Variants in COMMD10 observed in about 807,000 individuals in gnomAD.
COMMD10 encodes the protein COMM domain containing 10, also known as COMM domain-containing protein 10.
A neutral mutation model predicts 28.9 loss-of-function variants in COMMD10; 33 were observed. The ratio of observed to expected loss-of-function variants is 1.14; its 90% CI spans 0.87 to 1.53. The LOEUF is 1.53. Ranked by LOEUF, COMMD10 falls within the 40% of genes most tolerant of loss-of-function variation. The pLI is 0.00. For synonymous variants in COMMD10, 110 were observed against 81.7 expected, an observed-to-expected ratio of 1.35 and a Z score of -1.87; for missense variants, 310 against 233.4, an observed-to-expected ratio of 1.33 and a Z score of -2.14.
chr5:116,239,156 C>A (rs1047464977), intron 5 of COMMD10, among the ~76,000 whole-genome samples: 3 of 152,132 alleles, frequency 2.0e-5, no homozygotes, highest in Non-Finnish European at 4.4e-5. Context: ...TGGCTTTTAA[C>A]AAAATTCCTA....
intron 5 of COMMD10, among the ~76,000 whole-genome samples, chr5:116,272,119 G>T (rs891795979): frequency 2.0e-5 from 3 of 151,768 alleles, no homozygotes; most frequent in Non-Finnish European, 4.4e-5. Flanking sequence ...CTCCATTAAG[G>T]TCGAGACACT....
At chr5:116,224,450 G>A (rs190057321) in intron 5 of COMMD10, among the ~76,000 whole-genome samples, 275 of 152,288 alleles carry the variant, frequency 1.8e-3, no homozygotes, top group Non-Finnish European at 3.1e-3. Flanking sequence ...GACTGTACAG[G>A]AAGTGTAGTG....
intron 5 of COMMD10, among the ~76,000 whole-genome samples, chr5:116,272,529 C>T (rs867474373): frequency 2.3e-4 from 35 of 151,892 alleles, no homozygotes; most frequent in Middle Eastern, 6.8e-3. Flanking sequence ...ACTTGAACAT[C>T]CCAGAACACT....
intron 5 of COMMD10, among the ~76,000 whole-genome samples, chr5:116,275,816 G>C (rs1023735649): frequency 6.6e-6 from 1 of 151,498 alleles, no homozygotes; most frequent in African/African-American, 2.4e-5. Context: ...GGCATAAACT[G>C]CTAATGGCCA....
intron 5 of COMMD10, among the ~76,000 whole-genome samples, chr5:116,165,918 T>A (rs978111110): frequency 1.3e-5 from 2 of 152,144 alleles, no homozygotes; most frequent in Non-Finnish European, 2.9e-5. Context: ...AATACTTGAT[T>A]ACCCTTTATC....
Position 116,170,369 on chromosome 5 carries a change from A to G in COMMD10, c.510+36191A>G, listed in dbSNP as rs184067254. ...AACAAATGAAAAACATTCTATGCTCATGCATAGGAAGAATCAATATCGTGA... is the reference window on the plus strand; with the variant it reads ...AACAAATGAAAAACATTCTATGCTCGTGCATAGGAAGAATCAATATCGTGA... On this transcript the variant is annotated intron_variant, in intron 5 of 6. Transcript: ENST00000274458. Among the ~76,000 whole-genome samples, 68 of 152,354 alleles carry G rather than the reference A, an allele frequency of 4.5e-4. 1 individual carries two copies. The East Asian group carries it at 0.012, about 27-fold the overall frequency.
intron 5 of COMMD10, among the ~76,000 whole-genome samples, chr5:116,160,149 C>A (rs1043446426): frequency 6.6e-6 from 1 of 152,080 alleles, no homozygotes; most frequent in Admixed American, 6.6e-5. Flanking sequence ...GACCCTTGAA[C>A]CTATTTTCTG....
At chr5:116,282,039 T>G (rs1363883202) in intron 5 of COMMD10, among the ~76,000 whole-genome samples, 1 of 151,920 alleles carries the variant, frequency 6.6e-6, no homozygotes, top group Admixed American at 6.6e-5. Context: ...CAGACATATA[T>G]TGTCAAGGAA....
chr5:116,211,036 TTAA>T (rs969188794), intron 5 of COMMD10, among the ~76,000 whole-genome samples: 2 of 152,132 alleles, frequency 1.3e-5, no homozygotes, highest in Non-Finnish European at 2.9e-5. Context: ...GTATATTTTG[TTAA>T]TAATTTAAAT....
intron 5 of COMMD10, among the ~76,000 whole-genome samples, chr5:116,218,788 A>T (rs560603365): frequency 2.0e-5 from 3 of 152,238 alleles, no homozygotes; most frequent in African/African-American, 7.2e-5. Context: ...GCTCCAAAAG[A>T]ACTTACATTC....
chr5:116,112,160 T>C lies in COMMD10; in HGVS notation c.399+19460T>C, dbSNP rs1751066410. ...TCTGTCTGGGAAAGAAGATTATTTC[T>C]ACTTCATTTATGGAGCTTGATATTT... is the stretch of plus-strand genomic sequence containing the variant. On this transcript the variant is annotated intron_variant, in intron 4 of 6. Coordinates refer to ENST00000274458, the MANE Select transcript of COMMD10 (RefSeq NM_016144.4). Among the ~76,000 whole-genome samples the C allele has an allele frequency of 2.0e-5, 3 of 152,236 alleles. No homozygotes were observed. The South Asian group carries it at 6.2e-4, about 31-fold the overall frequency.
chr5:116,251,883 G>T (rs370306371), intron 5 of COMMD10, among the ~76,000 whole-genome samples: 16,359 of 151,200 alleles, frequency 0.11, 1,321 homozygotes, highest in African/African-American at 0.22. Flanking sequence ...ACTTCCACAA[G>T]GGTTGAACTA....
At chr5:116,239,059 A>G (rs1037749439) in intron 5 of COMMD10, among the ~76,000 whole-genome samples, 1 of 152,218 alleles carries the variant, frequency 6.6e-6, no homozygotes, top group East Asian at 1.9e-4. Flanking sequence ...AGCTCGATGA[A>G]GTTCTTAACT....
intron 5 of COMMD10, among the ~76,000 whole-genome samples, chr5:116,218,972 T>C (rs1749174966): frequency 6.6e-6 from 1 of 152,142 alleles, no homozygotes; most frequent in Non-Finnish European, 1.5e-5. Context: ...AATGATGTAA[T>C]TAAGGTTAAA....
chr5:116,221,485 T>C (rs1464952668), intron 5 of COMMD10, among the ~76,000 whole-genome samples: 7 of 152,172 alleles, frequency 4.6e-5, no homozygotes, highest in African/African-American at 1.2e-4. Context: ...CTTAATCTTA[T>C]TACTGAGGAT....
At chr5:116,279,371 G>T (rs889642126) in intron 5 of COMMD10, among the ~76,000 whole-genome samples, 2 of 151,846 alleles carry the variant, frequency 1.3e-5, no homozygotes, top group African/African-American at 2.4e-5. Flanking sequence ...ATTTAACACT[G>T]GGAAAATGCC....
intron 5 of COMMD10, among the ~76,000 whole-genome samples, chr5:116,235,673 C>T (rs1247735275): frequency 6.6e-6 from 1 of 152,136 alleles, no homozygotes; most frequent in African/African-American, 2.4e-5. Context: ...GAAGACATTT[C>T]CTCCATTGTG....
chr5:116,086,850 G>C (rs181361070), intron 1 of COMMD10, among the ~76,000 whole-genome samples: 2 of 152,122 alleles, frequency 1.3e-5, no homozygotes, highest in South Asian at 4.1e-4. Context: ...TGTGGCCCGC[G>C]CATGTAGTTC....
intron 5 of COMMD10, among the ~76,000 whole-genome samples, chr5:116,247,106 G>A (rs1422160640): frequency 6.6e-6 from 1 of 151,184 alleles, no homozygotes; most frequent in African/African-American, 2.4e-5. Flanking sequence ...TATCTATACG[G>A]AACTTAAATT....
Sources: allele counts gnomAD v4.1 joint callset (sites outside exome capture counted in the v4.1 genomes callset), GRCh38; gene constraint gnomAD v4.1.1; transcripts MANE v1.5; gene names NCBI Gene and HGNC (gene_info 2026-07-23, HGNC 2026-07-21).